The following DPP10 variants were observed in gnomAD, a reference collection of about 807,000 sequenced individuals.
The protein encoded by DPP10 is dipeptidyl peptidase like 10, also known as inactive dipeptidyl peptidase 10.
DPP10 carries 33 observed loss-of-function variants against 120.9 expected under a neutral mutation model. That is an observed-to-expected ratio of 0.27 (90% CI 0.21 to 0.37). The LOEUF is 0.37. Ranked by LOEUF, DPP10 falls within the 10% of genes least tolerant of loss-of-function variation. The probability of loss-of-function intolerance (pLI) is 1.00; values close to 1 mark genes in which losing one functional copy is unlikely to be tolerated. For synonymous variants in DPP10, 337 were observed against 326.1 expected, an observed-to-expected ratio of 1.03 and a Z score of -0.36; for missense variants, 816 against 942.8, an observed-to-expected ratio of 0.87 and a Z score of 1.76.
At chr2:115,623,066 C>T (rs546719015) in intron 5 of DPP10, among the ~76,000 whole-genome samples, 11 of 152,082 alleles carry the variant, frequency 7.2e-5, no homozygotes, top group South Asian at 2.1e-4. Context: ...AGGATGGTCT[C>T]GATCTCCTGA....
chr2:115,258,733 T>C (rs898638049), intron 1 of DPP10, among the ~76,000 whole-genome samples: 1 of 151,890 alleles, frequency 6.6e-6, no homozygotes, highest in Non-Finnish European at 1.5e-5. Flanking sequence ...CATAGTGAGA[T>C]GAGGGCATCT....
chr2:115,782,214 A>G (rs1682847756), intron 16 of DPP10, 138 bp from the exon 17 acceptor site: 4 of 628,390 alleles, frequency 6.4e-6, no homozygotes, highest in Non-Finnish European at 1.1e-5. Context: ...AATGAAAGCT[A>G]GTTATCTGGT....
rs535824596 is a variant in DPP10, at chr2:114,450,727, TA to T, written c.60+7904del. Among the ~76,000 whole-genome samples, 1,215 of 132,314 alleles carry T rather than the reference TA, an allele frequency of 9.2e-3. 6 individuals are homozygous for T. The highest frequency in any genetic ancestry group is 0.049 in the East Asian group (232 of 4,692). The allele number at this position is 132,314 out of a possible 152,430, so 86.8% of individuals were successfully genotyped here. A position where few individuals can be genotyped will look rare whatever the true frequency, so the allele number is the denominator to read the frequency against. On this transcript the variant is annotated intron_variant, in intron 1 of 25. Transcript: ENST00000410059. ...CTTGAGGATAAGTGGCTTCTGTAAGTAAAAAAAAAAAAAAAGGTTTTGCATT... is the reference window on the plus strand; with the variant it reads ...CTTGAGGATAAGTGGCTTCTGTAAGTAAAAAAAAAAAAAAGGTTTTGCATT...
intron 10 of DPP10, among the ~76,000 whole-genome samples, chr2:115,747,413 G>T (rs1678119069): frequency 6.6e-6 from 1 of 152,126 alleles, no homozygotes; most frequent in African/African-American, 2.4e-5. Flanking sequence ...ATGAAACAAT[G>T]ATGGATACTA....
At chr2:115,130,501 TATCC>T (rs56314226) in intron 1 of DPP10, among the ~76,000 whole-genome samples, 2,202 of 144,940 alleles carry the variant, frequency 0.015, 29 homozygotes, top group South Asian at 0.023. Flanking sequence ...TCCATCCATC[TATCC>T]ATCCATCCAT....
At chr2:114,596,795 A>G (rs1558918024) in intron 1 of DPP10, among the ~76,000 whole-genome samples, 6 of 152,052 alleles carry the variant, frequency 3.9e-5, no homozygotes, top group Non-Finnish European at 4.4e-5. Context: ...TTTGGTACAA[A>G]TATGCCAAAC....
chr2:115,489,131 G>A (rs1033028307), intron 3 of DPP10, among the ~76,000 whole-genome samples: 1 of 151,916 alleles, frequency 6.6e-6, no homozygotes, highest in African/African-American at 2.4e-5. Context: ...AGAACCAGAG[G>A]GTAAATATTT....
intron 3 of DPP10, among the ~76,000 whole-genome samples, chr2:115,450,821 CTCTT>C (rs568355459): frequency 1.1e-3 from 162 of 152,032 alleles, no homozygotes; most frequent in African/African-American, 3.7e-3. Flanking sequence ...ATATATCTCT[CTCTT>C]TCTTACCAAC....
At chr2:115,038,180 C>T (rs1704358587) in intron 1 of DPP10, among the ~76,000 whole-genome samples, 1 of 152,044 alleles carries the variant, frequency 6.6e-6, no homozygotes. Flanking sequence ...ACAAATACAC[C>T]ACAAGTCAGA....
At chr2:114,693,142 C>A (rs1269620643) in intron 1 of DPP10, among the ~76,000 whole-genome samples, 1 of 151,874 alleles carries the variant, frequency 6.6e-6, no homozygotes, top group East Asian at 1.9e-4. Flanking sequence ...GGTCATTTTG[C>A]AGAATTGTGT....
intron 3 of DPP10, among the ~76,000 whole-genome samples, chr2:115,411,313 C>A (rs781664834): frequency 1.3e-5 from 2 of 151,570 alleles, no homozygotes; most frequent in Non-Finnish European, 2.9e-5. Context: ...GTCTGGGCAA[C>A]AGAGTGAGAC....
intron 1 of DPP10, among the ~76,000 whole-genome samples, chr2:114,647,529 T>C (rs1395082545): frequency 2.0e-5 from 3 of 152,042 alleles, no homozygotes; most frequent in Non-Finnish European, 4.4e-5. Context: ...TTGGCTATGT[T>C]CTTAGTGGGT....
chr2:114,496,079 C>T (rs1216289613), intron 1 of DPP10, among the ~76,000 whole-genome samples: 1 of 152,130 alleles, frequency 6.6e-6, no homozygotes. Flanking sequence ...ATTGGCCAAA[C>T]AAGTACTGAA....
At chr2:115,783,903 A>G (rs1358622073) in intron 17 of DPP10, among the ~76,000 whole-genome samples, 1 of 152,172 alleles carries the variant, frequency 6.6e-6, no homozygotes, top group Non-Finnish European at 1.5e-5. Context: ...TGCAGTGAAG[A>G]TGAGTAACAT....
At chr2:114,797,890 C>A in intron 1 of DPP10, among the ~76,000 whole-genome samples, 1 of 152,240 alleles carries the variant, frequency 6.6e-6, no homozygotes, top group East Asian at 1.9e-4. Context: ...GTATTTTTAT[C>A]GTGGAGAAAC....
At chr2:115,291,070 C>T (rs1240549866) in intron 1 of DPP10, among the ~76,000 whole-genome samples, 2 of 152,068 alleles carry the variant, frequency 1.3e-5, no homozygotes, top group Non-Finnish European at 2.9e-5. Flanking sequence ...ATAGTGTGAT[C>T]ACAGCTCACT....
intron 1 of DPP10, among the ~76,000 whole-genome samples, chr2:114,581,210 T>G (rs553013229): frequency 1.8e-3 from 251 of 136,006 alleles, no homozygotes; most frequent in Admixed American, 3.2e-3. Flanking sequence ...TGAGACAGTC[T>G]CTCTCTGTCG....
chr2:115,832,124 C>A (rs1202613787), intron 21 of DPP10, among the ~76,000 whole-genome samples: 2 of 152,164 alleles, frequency 1.3e-5, no homozygotes, highest in Non-Finnish European at 2.9e-5. Context: ...TCCAAAAACT[C>A]TTTTGTGATA....
chr2:115,708,083 G>A (rs555902851), intron 7 of DPP10, among the ~76,000 whole-genome samples: 22 of 152,004 alleles, frequency 1.4e-4, no homozygotes, highest in South Asian at 1.2e-3. Flanking sequence ...GAGATTCTAC[G>A]TGTGTTACAC....
Sources: gnomAD v4.1 joint callset for allele counts (sites outside exome capture counted in the v4.1 genomes callset) on GRCh38, gnomAD v4.1.1 for gene constraint, MANE v1.5 for transcripts, NCBI Gene and HGNC (gene_info 2026-07-23, HGNC 2026-07-21) for gene names.